Variants in TMEM63C observed in about 807,000 individuals in gnomAD.
TMEM63C encodes osmosensitive cation channel TMEM63C.
Under a neutral mutation model 99.2 loss-of-function variants are expected in TMEM63C, and 32 were observed. The observed-to-expected ratio is 0.32, with a 90% CI of 0.24 to 0.43. The LOEUF is 0.43. Among genes scored for constraint, TMEM63C ranks in the 20% least tolerant of loss-of-function variants. TMEM63C has a pLI of 1.00. For synonymous variants in TMEM63C, 376 were observed against 397.9 expected, an observed-to-expected ratio of 0.94 and a Z score of 0.66; for missense variants, 826 against 1,053.0, an observed-to-expected ratio of 0.78 and a Z score of 2.98.
In TMEM63C at chr14:77,231,697, A is replaced by G. The variant is rs1370267858; in HGVS notation, c.460A>G (p.Ile154Val). 12 of 1,551,504 alleles carry G rather than the reference A, an allele frequency of 7.7e-6. No individual in the cohort carries two copies. The highest frequency in any genetic ancestry group is 2.0e-5 in the Admixed American group (1 of 50,974). Residue 154 changes from isoleucine to valine, a missense_variant, in exon 7 of 24, where the codon ATT (isoleucine) becomes GTT (valine). Ile to Val is a conservative substitution (Grantham distance 29). Coordinates refer to ENST00000298351, the MANE Select transcript of TMEM63C (RefSeq NM_020431.4). Reference protein sequence around the residue: ...LIICIPSLGIILPINYTGSVL... With the variant: ...LIICIPSLGIVLPINYTGSVL... ...CATCTGTATCCCCTCCCTGGGCATC[A>G]TTTTGCCCATCAACTATACTGGATC...
At chr14:77,186,803 G>GTGTGTGTGTC (rs1457033271) in intron 1 of TMEM63C, among the ~76,000 whole-genome samples, 4 of 147,836 alleles carry the variant, frequency 2.7e-5, no homozygotes, top group African/African-American at 5.2e-5. Context: ...GTGTGTGTCT[G>GTGTGTGTGTC]TGTGTGTGTG....
chr14:77,202,875 A>T (rs1172360503), intron 1 of TMEM63C, among the ~76,000 whole-genome samples: 1 of 140,554 alleles, frequency 7.1e-6, no homozygotes, highest in African/African-American at 2.6e-5. Flanking sequence ...ACGCACACAC[A>T]CCCCTCTACC....
chr14:77,183,127 C>A (rs1566613310), intron 1 of TMEM63C, among the ~76,000 whole-genome samples: 1 of 152,102 alleles, frequency 6.6e-6, no homozygotes, highest in African/African-American at 2.4e-5. Flanking sequence ...GAAACTGAGG[C>A]AAGGAGAGAG....
intron 23 of TMEM63C, among the ~76,000 whole-genome samples, chr14:77,255,364 T>C (rs919278643): frequency 3.9e-5 from 6 of 152,244 alleles, no homozygotes; most frequent in Non-Finnish European, 8.8e-5. Flanking sequence ...ACCCAGCCGG[T>C]ATTCAAATTG....
chr14:77,212,043 C>T (rs530892686), intron 1 of TMEM63C, among the ~76,000 whole-genome samples: 14 of 152,340 alleles, frequency 9.2e-5, no homozygotes, highest in African/African-American at 3.4e-4. Context: ...TGCCCCAGAA[C>T]AGAGAGGCTG....
chr14:77,244,214 A>T, intron 15 of TMEM63C, 135 bp from the exon 16 acceptor site: 1 of 683,688 alleles, frequency 1.5e-6, no homozygotes, highest in Non-Finnish European at 2.6e-6. Flanking sequence ...CAGGAAAGCC[A>T]GTGAGAAGGG....
chr14:77,185,875 G>A (rs1194675104), intron 1 of TMEM63C, among the ~76,000 whole-genome samples: 1 of 152,124 alleles, frequency 6.6e-6, no homozygotes, highest in Non-Finnish European at 1.5e-5. Context: ...CCACTGGAAG[G>A]ATGAATGGGA....
Position 77,220,003 on chromosome 14 carries a change from C to T in TMEM63C, c.231-3C>T. ...ACCTCCCTGCCCCTTCCCTGGCTGG[C>T]AGCCTGACCTCGCTGATCTATGGGG... On this transcript the variant is annotated splice_region_variant and splice_polypyrimidine_tract_variant and intron_variant, in intron 4 of 23. Coordinates refer to ENST00000298351, the MANE Select transcript of TMEM63C (RefSeq NM_020431.4). 6.4e-7 allele frequency: 1 copy of T among 1,556,804 alleles called. No homozygotes were observed.
chr14:77,203,703 C>T (rs1245692988), intron 1 of TMEM63C, among the ~76,000 whole-genome samples: 1 of 152,270 alleles, frequency 6.6e-6, no homozygotes, highest in African/African-American at 2.4e-5. Context: ...TGGCCCAGAG[C>T]AGGTGTTCAG....
At chr14:77,225,234 A>T (rs1197959362) in intron 5 of TMEM63C, among the ~76,000 whole-genome samples, 190 bp from the exon 6 acceptor site, 1 of 152,162 alleles carries the variant, frequency 6.6e-6, no homozygotes, top group East Asian at 1.9e-4. Flanking sequence ...ATGTCCACTC[A>T]TTTCCAGGGA....
At chr14:77,187,008 T>A (rs537820218) in intron 1 of TMEM63C, among the ~76,000 whole-genome samples, 33 of 152,350 alleles carry the variant, frequency 2.2e-4, no homozygotes, top group Non-Finnish European at 4.0e-4. Flanking sequence ...CTTGAGGCCC[T>A]GGAGCCACTC....
chr14:77,239,951 C>G (rs1351239956), intron 12 of TMEM63C, among the ~76,000 whole-genome samples: 1 of 152,198 alleles, frequency 6.6e-6, no homozygotes, highest in Non-Finnish European at 1.5e-5. Context: ...TTGCTGCTGT[C>G]TCCTTTCTGG....
rs1212208771 is a variant in TMEM63C, at chr14:77,218,797, C to G, written c.-13-4C>G. Reference sequence around the variant, plus strand: ...ATCTGACCTGGATGCCCTCTGTTTCCCAGGGATCCTCCCAGGATGTCTGCC... The same window carrying G: ...ATCTGACCTGGATGCCCTCTGTTTCGCAGGGATCCTCCCAGGATGTCTGCC... On this transcript the variant is annotated splice_polypyrimidine_tract_variant and splice_region_variant and intron_variant, in intron 2 of 23. Coordinates refer to ENST00000298351, the MANE Select transcript of TMEM63C (RefSeq NM_020431.4). 1.2e-6 allele frequency: 2 copies of G among 1,612,236 alleles called. No homozygotes were observed. Among genetic ancestry groups the G allele is most frequent in the Non-Finnish European group, 1.7e-6 (2 of 1,179,274 alleles).
At chr14:77,240,704 C>A (rs1283218437) in intron 13 of TMEM63C, 96 bp downstream of exon 13, 4 of 1,463,990 alleles carry the variant, frequency 2.7e-6, no homozygotes, top group East Asian at 2.3e-5. Flanking sequence ...TTCTGCCTCC[C>A]CTGGGCCCTC....
chr14:77,229,720 G>A (rs114483081), intron 6 of TMEM63C, among the ~76,000 whole-genome samples: 2,729 of 150,800 alleles, frequency 0.018, 79 homozygotes, highest in African/African-American at 0.063. Flanking sequence ...CCAAAGTACC[G>A]GGATTACAGG....
intron 1 of TMEM63C, among the ~76,000 whole-genome samples, chr14:77,205,352 G>T (rs1255766456): frequency 6.6e-6 from 1 of 152,230 alleles, no homozygotes; most frequent in East Asian, 1.9e-4. Flanking sequence ...TCATCTGTGA[G>T]CCCTTCTCAC....
At chr14:77,202,058 G>T (rs2140097661) in intron 1 of TMEM63C, among the ~76,000 whole-genome samples, 1 of 152,322 alleles carries the variant, frequency 6.6e-6, no homozygotes, top group South Asian at 2.1e-4. Context: ...TGCAGCAGGG[G>T]CCCCAGGGCA....
intron 9 of TMEM63C, among the ~76,000 whole-genome samples, chr14:77,237,131 T>C (rs1889076657): frequency 6.6e-6 from 1 of 151,998 alleles, no homozygotes; most frequent in Non-Finnish European, 1.5e-5. Flanking sequence ...CCTGCCCCTC[T>C]GCTGCCCCGC....
chr14:77,198,577 C>T (rs1455889092), intron 1 of TMEM63C, among the ~76,000 whole-genome samples: 3 of 152,234 alleles, frequency 2.0e-5, no homozygotes, highest in Non-Finnish European at 4.4e-5. Context: ...CTGATCAGAC[C>T]ATCAAAGTTG....
Sources: gnomAD v4.1 joint callset for allele counts (sites outside exome capture counted in the v4.1 genomes callset) on GRCh38, gnomAD v4.1.1 for gene constraint, MANE v1.5 for transcripts, NCBI Gene and HGNC (gene_info 2026-07-23, HGNC 2026-07-21) for gene names.